RNLS: variants seen among roughly 807,000 people sequenced by gnomAD.
The protein encoded by RNLS is renalase, FAD dependent amine oxidase, also known as renalase.
Under a neutral mutation model 39.8 loss-of-function variants are expected in RNLS, and 39 were observed. That is an observed-to-expected ratio of 0.98 (90% CI 0.76 to 1.28). The LOEUF is 1.28. RNLS is among the 50% of genes most tolerant of loss of function. RNLS has a pLI of 0.00. For missense variants in RNLS, 410 were observed against 413.3 expected (o/e 0.99, Z 0.07); for synonymous variants, 147 against 150.7 (o/e 0.98, Z 0.18).
the RNLS span, among the ~76,000 whole-genome samples, chr10:88,205,890 A>G: frequency 1.3e-5 from 2 of 152,184 alleles, no homozygotes; most frequent in African/African-American, 4.8e-5. Flanking sequence ...CCACTTCTCC[A>G]AACATACTGT....
chr10:88,529,893 T>C (rs1361931232), intron 4 of RNLS, among the ~76,000 whole-genome samples: 4 of 152,204 alleles, frequency 2.6e-5, no homozygotes, highest in Non-Finnish European at 5.9e-5. Context: ...CCTCTCCCAC[T>C]ATCCTGAAAT....
At chr10:88,276,243 G>C (rs951649183) in intron 6 of RNLS, among the ~76,000 whole-genome samples, 1 of 151,818 alleles carries the variant, frequency 6.6e-6, no homozygotes, top group Non-Finnish European at 1.5e-5. Flanking sequence ...TTCTTAACTG[G>C]TCTGTAATCT....
intron 4 of RNLS, among the ~76,000 whole-genome samples, chr10:88,506,016 G>A (rs1845769741): frequency 6.6e-6 from 1 of 152,218 alleles, no homozygotes; most frequent in South Asian, 2.1e-4. Context: ...AGGAACTCTG[G>A]GGGTGGGGCC....
intron 4 of RNLS, among the ~76,000 whole-genome samples, chr10:88,389,663 G>C (rs953862773): frequency 6.6e-6 from 1 of 152,064 alleles, no homozygotes; most frequent in African/African-American, 2.4e-5. Flanking sequence ...AATGAAATTC[G>C]CACAGTTTTT....
intron 4 of RNLS, among the ~76,000 whole-genome samples, chr10:88,364,318 T>C (rs1459702103): frequency 1.3e-5 from 2 of 152,066 alleles, no homozygotes; most frequent in Non-Finnish European, 2.9e-5. Flanking sequence ...CTTTAGGAGG[T>C]AGAGAGAGGC....
At chr10:88,244,989 G>A in the RNLS span, among the ~76,000 whole-genome samples, 14 of 152,256 alleles carry the variant, frequency 9.2e-5, no homozygotes, top group African/African-American at 2.6e-4. Context: ...CAGTGTCCTC[G>A]TGATCAGTTG....
At chr10:88,540,705 G>C (rs1284298656) in intron 4 of RNLS, among the ~76,000 whole-genome samples, 1 of 152,060 alleles carries the variant, frequency 6.6e-6, no homozygotes, top group Non-Finnish European at 1.5e-5. Flanking sequence ...TGTGGAATAA[G>C]TGTACTTTTC....
At chr10:88,548,261 C>CAAAAAAAAAAAAAAAAAAAAA (rs869175046) in intron 4 of RNLS, among the ~76,000 whole-genome samples, 2 of 32,408 alleles carry the variant, frequency 6.2e-5, no homozygotes, top group African/African-American at 2.0e-4. Flanking sequence ...GACTCCGTCT[C>CAAAAAAAAAAAAAAAAAAAAA]AAAAAAAAAA....
At chr10:88,178,751 T>G in the RNLS span, among the ~76,000 whole-genome samples, 2 of 152,230 alleles carry the variant, frequency 1.3e-5, no homozygotes, top group Non-Finnish European at 2.9e-5. Flanking sequence ...TCAGCCATCT[T>G]GATGATCCAG....
intron 5 of RNLS, among the ~76,000 whole-genome samples, chr10:88,355,315 C>G (rs1022897853): frequency 9.2e-5 from 14 of 152,182 alleles, no homozygotes; most frequent in African/African-American, 3.4e-4. Flanking sequence ...TTCAGTTTTT[C>G]TGTTCTGTTT....
At position 88,418,053 on chromosome 10, in the gene RNLS, G is replaced by A. The variant is rs547935413; in HGVS notation, c.527-55328C>T. Among the ~76,000 whole-genome samples the A allele has an allele frequency of 3.4e-5, 5 of 148,028 alleles. No individual in the cohort carries two copies. The South Asian group carries it at 1.1e-3, about 32-fold the overall frequency. On this transcript the variant is annotated intron_variant, in intron 4 of 6. Transcript: ENST00000331772. Reference sequence around the variant, plus strand: ...TTAGTAAGAATGTCCAGAATGGAAAGTTCAGGATGGAAAAAGTGAGCTTTT... The same window carrying A: ...TTAGTAAGAATGTCCAGAATGGAAAATTCAGGATGGAAAAAGTGAGCTTTT...
intron 4 of RNLS, among the ~76,000 whole-genome samples, chr10:88,382,006 T>C (rs1337580276): frequency 6.6e-6 from 1 of 152,156 alleles, no homozygotes; most frequent in Non-Finnish European, 1.5e-5. Context: ...ATATATCTAT[T>C]ATCTATGATC....
In RNLS at chr10:88,284,923, A is replaced by G; in HGVS notation, c.*431T>C. 1.1e-5 allele frequency: 11 copies of G among 985,942 alleles called. No individual in the cohort carries two copies. Among genetic ancestry groups the G allele is most frequent in the Non-Finnish European group, 1.3e-5 (11 of 830,290 alleles). 61.1% of individuals were successfully genotyped at this position (985,942 alleles called of 1,614,324 possible). A position where few individuals can be genotyped will look rare whatever the true frequency, so the allele number is the denominator to read the frequency against. ...AAAAATCTTGTTTTGTATAATTTGC[A>G]AAAATATTGATTCAAGGACACATCC... On this transcript the variant is annotated 3_prime_UTR_variant, in exon 7 of 7. Transcript: ENST00000331772.
At chr10:88,325,220 C>T (rs999847122) in intron 5 of RNLS, among the ~76,000 whole-genome samples, 1 of 152,300 alleles carries the variant, frequency 6.6e-6, no homozygotes, top group Non-Finnish European at 1.5e-5. Context: ...ATAACCACAT[C>T]ATTTTCCATA....
At position 88,402,328 on chromosome 10, in the gene RNLS, CAGA is replaced by C. The variant is rs1466431827; in HGVS notation, c.527-39606_527-39604del. On this transcript the variant is annotated intron_variant, in intron 4 of 6. Coordinates refer to ENST00000331772, the MANE Select transcript of RNLS (RefSeq NM_001031709.3). Reference sequence around the variant, plus strand: ...GCCAGAGAGACACATATGGGAGTTCCAGAAGAAGAAAATCAGAGCAATGAAACA... The same window carrying C: ...GCCAGAGAGACACATATGGGAGTTCCAGAAGAAAATCAGAGCAATGAAACA... Among the ~76,000 whole-genome samples the C allele has an allele frequency of 4.0e-5, 6 of 151,702 alleles. No homozygotes were observed. In the East Asian group the frequency reaches 1.2e-3, roughly 30 times the overall value.
At chr10:88,203,280 ATATATATATACGTATG>A in the RNLS span, among the ~76,000 whole-genome samples, 2 of 19,264 alleles carry the variant, frequency 1.0e-4, no homozygotes, top group African/African-American at 6.1e-4. Context: ...ATATATATAT[ATATATATATACGTATG>A]TATATATATA....
chr10:88,209,439 C>G, the RNLS span, among the ~76,000 whole-genome samples: 1 of 152,130 alleles, frequency 6.6e-6, no homozygotes, highest in Admixed American at 6.6e-5. Context: ...GATGCATCTA[C>G]AAGCCAGGGA....
chr10:88,521,418 G>A (rs1367053417), intron 4 of RNLS, among the ~76,000 whole-genome samples: 2 of 151,974 alleles, frequency 1.3e-5, no homozygotes, highest in Non-Finnish European at 2.9e-5. Context: ...CAGATGATGG[G>A]GAACTACTGC....
At chr10:88,189,339 TG>T in the RNLS span, among the ~76,000 whole-genome samples, 1 of 152,200 alleles carries the variant, frequency 6.6e-6, no homozygotes, top group Non-Finnish European at 1.5e-5. Context: ...GACTTTGGAG[TG>T]TCAATAACTT....
Sources: gnomAD v4.1 joint callset for allele counts (sites outside exome capture counted in the v4.1 genomes callset) on GRCh38, gnomAD v4.1.1 for gene constraint, MANE v1.5 for transcripts, NCBI Gene and HGNC (gene_info 2026-07-23, HGNC 2026-07-21) for gene names.